NUP58: variants seen among roughly 807,000 people sequenced by gnomAD.
The protein encoded by NUP58 is nucleoporin p58/p45.
Under a neutral mutation model 70.1 loss-of-function variants are expected in NUP58, and 17 were observed. That is an observed-to-expected ratio of 0.24 (90% CI 0.17 to 0.36). The LOEUF is 0.36. Ranked by LOEUF, NUP58 falls within the 10% of genes least tolerant of loss-of-function variation. The pLI, the probability that NUP58 is intolerant of heterozygous loss-of-function variation, is 1.00. For synonymous variants in NUP58, 275 were observed against 257.6 expected, an observed-to-expected ratio of 1.07 and a Z score of -0.65; for missense variants, 644 against 701.5, an observed-to-expected ratio of 0.92 and a Z score of 0.93.
At chr13:25,303,857 C>T (rs895340117) in intron 1 of NUP58, among the ~76,000 whole-genome samples, 4 of 152,148 alleles carry the variant, frequency 2.6e-5, no homozygotes, top group Non-Finnish European at 5.9e-5. Context: ...GCTTTAATAA[C>T]AATTTGAATG....
At chr13:25,303,179 T>G (rs1037781773) in intron 1 of NUP58, 4 of 445,206 alleles carry the variant, frequency 9.0e-6, no homozygotes, top group Non-Finnish European at 1.8e-5. Context: ...AAAATTCCCA[T>G]TGCTCTCTCT....
Position 25,307,968 on chromosome 13 carries a change from A to AT in NUP58, c.250+22dup. ...ATACAGGTGAGGAGGATCTGATCACATTGTCAGAGAGTAGGCTTGGGATAT... is the reference window on the plus strand; with the variant it reads ...ATACAGGTGAGGAGGATCTGATCACATTTGTCAGAGAGTAGGCTTGGGATAT... On this transcript the variant is annotated intron_variant, in intron 2 of 15. Transcript: ENST00000381736. 1 of 1,612,028 alleles carries AT rather than the reference A, an allele frequency of 6.2e-7. No individual in the cohort carries two copies. The highest frequency in any genetic ancestry group is 1.3e-5 in the African/African-American group (1 of 74,966).
intron 9 of NUP58, among the ~76,000 whole-genome samples, chr13:25,322,633 A>G (rs1052647114): frequency 6.6e-6 from 1 of 152,234 alleles, no homozygotes; most frequent in African/African-American, 2.4e-5. Flanking sequence ...AGAAACACAA[A>G]TGAATTTTGT....
At chr13:25,315,838 A>G (rs2030905817) in intron 6 of NUP58, among the ~76,000 whole-genome samples, 2 of 152,242 alleles carry the variant, frequency 1.3e-5, no homozygotes, top group African/African-American at 2.4e-5. Context: ...AAAAGGCAAC[A>G]TAATATAGTA....
chr13:25,346,137 A>G (rs992249838), downstream of NUP58, among the ~76,000 whole-genome samples: 2 of 152,222 alleles, frequency 1.3e-5, no homozygotes, highest in Non-Finnish European at 2.9e-5. Context: ...ATATAAATAC[A>G]TATGGGTAGG....
chr13:25,336,092 G>A (rs2031771054), intron 13 of NUP58: 1 of 1,255,704 alleles, frequency 8.0e-7, no homozygotes, highest in African/African-American at 1.6e-5. Context: ...TAATCGTTCT[G>A]CTTCTGAGTA....
At chr13:25,314,357 G>A (rs904127039) in intron 5 of NUP58, among the ~76,000 whole-genome samples, 2 of 151,948 alleles carry the variant, frequency 1.3e-5, no homozygotes, top group African/African-American at 4.8e-5. Context: ...CTTCTAAAAA[G>A]AACAAAAATT....
At chr13:25,348,058 T>G (rs1258273292) in intron 3 of NUP58, among the ~76,000 whole-genome samples, 6 of 152,192 alleles carry the variant, frequency 3.9e-5, no homozygotes, top group Non-Finnish European at 8.8e-5. Flanking sequence ...CAGTGCAGTC[T>G]GCACTGTCCA....
intron 9 of NUP58, among the ~76,000 whole-genome samples, chr13:25,324,371 A>G (rs2031307993): frequency 6.6e-6 from 1 of 151,978 alleles, no homozygotes; most frequent in African/African-American, 2.4e-5. Context: ...ACTAATCTTG[A>G]AAAAACATTG....
intron 13 of NUP58, among the ~76,000 whole-genome samples, chr13:25,336,720 T>C (rs1336464846): frequency 6.6e-6 from 1 of 152,178 alleles, no homozygotes; most frequent in East Asian, 1.9e-4. Context: ...AGGTTAATTT[T>C]TTTAAAATCT....
In NUP58 at chr13:25,332,913, C is replaced by T. The variant is rs938757595; in HGVS notation, c.1435+1355C>T. ...TCTCATGATTACCTAACCAGTTAAT[C>T]AAACCAACCATAGTACTAGTTTACT... On this transcript the variant is annotated intron_variant, in intron 13 of 15. Coordinates refer to ENST00000381736, the MANE Select transcript of NUP58 (RefSeq NM_014089.4). 30 of 985,256 alleles carry T rather than the reference C, an allele frequency of 3.0e-5. No individual in the cohort carries two copies. In the African/African-American group the frequency reaches 3.8e-4, roughly 13 times the overall value. The allele number at this position is 985,256 out of a possible 1,614,324, so 61.0% of individuals were successfully genotyped here. A position where few individuals can be genotyped will look rare whatever the true frequency, so the allele number is the denominator to read the frequency against.
intron 2 of NUP58, 63 bp from the exon 3 acceptor site, chr13:25,309,184 A>G: frequency 3.2e-6 from 4 of 1,252,848 alleles, no homozygotes; most frequent in Non-Finnish European, 3.5e-6. Context: ...CCCTTATGAC[A>G]GGTAAACCTA....
At position 25,340,624 on chromosome 13, in the gene NUP58, A is replaced by G. The variant is rs2031926024; in HGVS notation, c.*490A>G. 6.6e-6 allele frequency: 1 copy of G among 152,254 alleles called. No individual in the cohort carries two copies. Among genetic ancestry groups the G allele is most frequent in the Non-Finnish European group, 1.5e-5 (1 of 68,078 alleles). The allele number at this position is 152,254 out of a possible 1,614,324, so 9.4% of individuals were successfully genotyped here. ...ATAATACACACAGTTGTGTGTGCAT[A>G]TAAAATACATATTTACGCCAGGCGT... On this transcript the variant is annotated 3_prime_UTR_variant, in exon 16 of 16. Transcript: ENST00000381736.
intron 1 of NUP58, chr13:25,303,013 T>G: frequency 2.2e-6 from 1 of 456,632 alleles, no homozygotes; most frequent in Non-Finnish European, 4.4e-6. Flanking sequence ...TTTTAGGTAT[T>G]AAGAGTCTTG....
chr13:25,315,836 A>G (rs2030905689), intron 6 of NUP58, among the ~76,000 whole-genome samples: 1 of 152,194 alleles, frequency 6.6e-6, no homozygotes, highest in Non-Finnish European at 1.5e-5. Context: ...TAAAAAGGCA[A>G]CATAATATAG....
At chr13:25,326,866 A>G (rs752969223) in intron 10 of NUP58, 50 bp from the exon 11 acceptor site, 1 of 1,003,192 alleles carries the variant, frequency 1.0e-6, no homozygotes, top group Non-Finnish European at 1.5e-6. Flanking sequence ...TGGATTTGTC[A>G]CTCCAAATTA....
At chr13:25,347,780 C>T (rs1163702818) in intron 3 of NUP58, among the ~76,000 whole-genome samples, 1 of 152,124 alleles carries the variant, frequency 6.6e-6, no homozygotes, top group Non-Finnish European at 1.5e-5. Context: ...AAAATTCTTT[C>T]AAATCATTGT....
At chr13:25,337,067 C>T in intron 14 of NUP58, 33 bp downstream of exon 14, 1 of 1,424,038 alleles carries the variant, frequency 7.0e-7, no homozygotes, top group Non-Finnish European at 9.7e-7. Flanking sequence ...TTTCATTGAA[C>T]TATTATATAT....
intron 6 of NUP58, among the ~76,000 whole-genome samples, chr13:25,317,324 T>C (rs575992825): frequency 1.1e-4 from 17 of 152,324 alleles, no homozygotes; most frequent in African/African-American, 3.6e-4. Context: ...AATTTGGGTC[T>C]ATTAAAGGGA....
Sources: gnomAD v4.1 joint callset for allele counts (sites outside exome capture counted in the v4.1 genomes callset) on GRCh38, gnomAD v4.1.1 for gene constraint, MANE v1.5 for transcripts, NCBI Gene and HGNC (gene_info 2026-07-23, HGNC 2026-07-21) for gene names.